Variants in C6orf89 observed in about 807,000 individuals in gnomAD.
The protein encoded by C6orf89 is chromosome 6 open reading frame 89, also known as bombesin receptor-activated protein C6orf89.
Under a neutral mutation model 40.7 loss-of-function variants are expected in C6orf89, and 29 were observed. That is an observed-to-expected ratio of 0.71 (90% confidence interval 0.53 to 0.97). The LOEUF (loss-of-function observed/expected upper bound fraction) is 0.97, where lower values mean the gene tolerates loss of function less well. Among genes scored for constraint, C6orf89 ranks in the 50% least tolerant of loss-of-function variants. C6orf89 has a pLI of 0.00. For missense variants in C6orf89, 392 were observed against 429.1 expected (o/e 0.91, Z 0.76); for synonymous variants, 165 against 152.2 (o/e 1.08, Z -0.62).
chr6:36,890,619 C>T (rs886689728), intron 1 of C6orf89, among the ~76,000 whole-genome samples: 13 of 152,298 alleles, frequency 8.5e-5, no homozygotes, highest in African/African-American at 2.4e-4. Context: ...CTGCAACCTC[C>T]ACCTCCCAGG....
At chr6:36,908,536 G>A (rs769450508) in intron 4 of C6orf89, among the ~76,000 whole-genome samples, 4 of 151,960 alleles carry the variant, frequency 2.6e-5, no homozygotes, top group East Asian at 1.9e-4. Flanking sequence ...TAATAACTTG[G>A]TATACATCCT....
chr6:36,882,727 CTTTTTTCTTTTTT>C (rs1774853265), upstream of C6orf89, among the ~76,000 whole-genome samples: 1 of 57,458 alleles, frequency 1.7e-5, no homozygotes, highest in African/African-American at 5.0e-5. Flanking sequence ...TTTTTTTTTT[CTTTTTTCTTTTTT>C]TTTTTTTTGA....
upstream of C6orf89, among the ~76,000 whole-genome samples, chr6:36,881,624 A>C (rs1774811419): frequency 6.6e-6 from 1 of 152,254 alleles, no homozygotes; most frequent in Non-Finnish European, 1.5e-5. Flanking sequence ...CAGCAAGCCA[A>C]GATCACACCA....
At chr6:36,923,281 C>A in intron 8 of C6orf89, 66 bp from the exon 9 acceptor site, 1 of 1,226,784 alleles carries the variant, frequency 8.2e-7, no homozygotes, top group Non-Finnish European at 1.2e-6. Context: ...ACCTGCCTTG[C>A]TCGTGCCCAC....
chr6:36,886,040 G>A lies in C6orf89; in HGVS notation c.-120+12G>A. The A allele has an allele frequency of 8.0e-7, 1 of 1,252,504 alleles. No individual in the cohort carries two copies. Among genetic ancestry groups the A allele is most frequent in the Non-Finnish European group, 1.0e-6 (1 of 995,798 alleles). 77.6% of individuals were successfully genotyped at this position (1,252,504 alleles called of 1,614,324 possible). A position where few individuals can be genotyped will look rare whatever the true frequency, so the allele number is the denominator to read the frequency against. Reference sequence around the variant, plus strand: ...CGCGAGCCCCGCATGTGAGTGACTGGGGCCCGAGGCTGGGTGGGGGGAGGC... The same window carrying A: ...CGCGAGCCCCGCATGTGAGTGACTGAGGCCCGAGGCTGGGTGGGGGGAGGC... On this transcript the variant is annotated intron_variant, in intron 1 of 8. Coordinates refer to ENST00000480824, the MANE Select transcript of C6orf89 (RefSeq NM_001286635.2).
intron 4 of C6orf89, among the ~76,000 whole-genome samples, chr6:36,909,939 T>C (rs1762066475): frequency 6.6e-6 from 1 of 152,164 alleles, no homozygotes; most frequent in Non-Finnish European, 1.5e-5. Context: ...ATTATAAAAA[T>C]ACTCATTTCT....
At chr6:36,919,441 T>G in intron 7 of C6orf89, 137 bp from the exon 8 acceptor site, 1 of 1,066,156 alleles carries the variant, frequency 9.4e-7, no homozygotes, top group Non-Finnish European at 1.3e-6. Flanking sequence ...CAAATTTTTG[T>G]TATTGGTTCT....
chr6:36,923,587 G>C lies in C6orf89; in HGVS notation c.*146G>C, dbSNP rs1762587282. The C allele has an allele frequency of 4.2e-6, 3 of 711,028 alleles. No individual in the cohort carries two copies. 44.0% of individuals were successfully genotyped at this position (711,028 alleles called of 1,614,324 possible). A position where few individuals can be genotyped will look rare whatever the true frequency, so the allele number is the denominator to read the frequency against. On this transcript the variant is annotated 3_prime_UTR_variant, in exon 9 of 9. Coordinates refer to ENST00000480824, the MANE Select transcript of C6orf89 (RefSeq NM_001286635.2). ...GCATGCATGTGTGAACCAGCTGTGA[G>C]CTGCAAGGCAGTGGCCAGAGCCTCG...
intron 1 of C6orf89, among the ~76,000 whole-genome samples, chr6:36,877,221 GCA>G (rs754027455): frequency 1.3e-5 from 2 of 152,310 alleles, no homozygotes; most frequent in East Asian, 1.9e-4. Context: ...GTATCTTAGT[GCA>G]CTTGTGCATG....
At chr6:36,896,437 A>G (rs2150686820) in intron 2 of C6orf89, among the ~76,000 whole-genome samples, 1 of 152,270 alleles carries the variant, frequency 6.6e-6, no homozygotes, top group South Asian at 2.1e-4. Flanking sequence ...AGAAATGGCT[A>G]TTCAAATCCT....
At chr6:36,881,018 G>T (rs1774792148), upstream of C6orf89, among the ~76,000 whole-genome samples, 1 of 152,332 alleles carries the variant, frequency 6.6e-6, no homozygotes, top group South Asian at 2.1e-4. Flanking sequence ...TGTACAGCCT[G>T]CCTGCTTTAT....
At chr6:36,900,278 T>C (rs62406463) in intron 3 of C6orf89, among the ~76,000 whole-genome samples, 2 of 146,982 alleles carry the variant, frequency 1.4e-5, no homozygotes, top group African/African-American at 2.5e-5. Flanking sequence ...CTCAGCTCAC[T>C]GCAACCTCCG....
At chr6:36,884,454 T>C (rs1262017179), upstream of C6orf89, among the ~76,000 whole-genome samples, 2 of 152,120 alleles carry the variant, frequency 1.3e-5, no homozygotes, top group Non-Finnish European at 2.9e-5. The surrounding 1 kb of genome is among the most constrained non-coding windows in gnomAD (Gnocchi z 4.0). Flanking sequence ...ATAATAATAG[T>C]CTCCCTGGTG....
At chr6:36,885,055 CG>C (rs1283307793), upstream of C6orf89, among the ~76,000 whole-genome samples, 1 of 152,136 alleles carries the variant, frequency 6.6e-6, no homozygotes, top group Non-Finnish European at 1.5e-5. Flanking sequence ...ATGACCAAAA[CG>C]GGGGAATTGT....
At chr6:36,884,123 G>A (rs951233512), upstream of C6orf89, among the ~76,000 whole-genome samples, 9 of 152,168 alleles carry the variant, frequency 5.9e-5, no homozygotes, top group Non-Finnish European at 1.0e-4. This position sits in a 1 kb window ranked among gnomAD's most constrained non-coding sequence, Gnocchi z 4.0. Context: ...TTAGCCTGGC[G>A]TGGTGGCAGG....
chr6:36,910,209 C>G (rs1323750519), intron 4 of C6orf89, among the ~76,000 whole-genome samples: 1 of 152,064 alleles, frequency 6.6e-6, no homozygotes, highest in Non-Finnish European at 1.5e-5. Context: ...ATTATCCTGC[C>G]TCAGCCTCCT....
rs1774965449 is a variant in C6orf89, at chr6:36,885,996, G to A, written c.-152G>A. 3.5e-6 allele frequency: 4 copies of A among 1,139,418 alleles called. No individual in the cohort carries two copies. The highest frequency in any genetic ancestry group is 4.2e-6 in the Non-Finnish European group (4 of 949,350). The allele number at this position is 1,139,418 out of a possible 1,614,324, so 70.6% of individuals were successfully genotyped here. ...TCGCCCGGCGGCAGCTGTCCCCGAG[G>A]CGGGAGGAGCCCGAGGGGCGCGAGC... On this transcript the variant is annotated 5_prime_UTR_variant, in exon 1 of 9. Transcript: ENST00000480824.
chr6:36,912,199 G>A (rs967190697), intron 4 of C6orf89, among the ~76,000 whole-genome samples: 2 of 152,130 alleles, frequency 1.3e-5, no homozygotes, highest in Non-Finnish European at 2.9e-5. Flanking sequence ...CCCAGCATCT[G>A]CTGTGTTCTT....
At chr6:36,897,430 AAAAT>A (rs1198055092) in intron 2 of C6orf89, among the ~76,000 whole-genome samples, 1 of 152,218 alleles carries the variant, frequency 6.6e-6, no homozygotes, top group African/African-American at 2.4e-5. Context: ...TTGGTAGAAA[AAAAT>A]CAGCTTTTAA....
Sources: allele counts gnomAD v4.1 joint callset (sites outside exome capture counted in the v4.1 genomes callset), GRCh38; gene constraint gnomAD v4.1.1; non-coding constraint Gnocchi (gnomAD v3.1); transcripts MANE v1.5; gene names NCBI Gene and HGNC (gene_info 2026-07-23, HGNC 2026-07-21).